The following LOC400499 variants were observed in gnomAD, a reference collection of about 807,000 sequenced individuals.
the LOC400499 span, among the ~76,000 whole-genome samples, chr16:11,469,851 C>T: frequency 6.6e-6 from 1 of 152,194 alleles, no homozygotes; most frequent in African/African-American, 2.4e-5. Context: ...CAGCAAACGG[C>T]CAGGGAGAAG....
At chr16:11,515,988 G>A in the LOC400499 span, 40 of 399,496 alleles carry the variant, frequency 1.0e-4, no homozygotes, top group Middle Eastern at 6.3e-4. Flanking sequence ...AGGGAGCACC[G>A]TGCCAGGTCC....
At chr16:11,390,676 T>C in the LOC400499 span, among the ~76,000 whole-genome samples, 7 of 152,192 alleles carry the variant, frequency 4.6e-5, no homozygotes, top group Non-Finnish European at 7.4e-5. Context: ...CTTATAAGGT[T>C]GTCTGGGAAC....
At chr16:11,452,925 G>A in the LOC400499 span, among the ~76,000 whole-genome samples, 6 of 152,346 alleles carry the variant, frequency 3.9e-5, no homozygotes, top group East Asian at 9.6e-4. Flanking sequence ...TAACTGGTCC[G>A]ATGAGTTTTC....
At chr16:11,449,847 C>A in the LOC400499 span, among the ~76,000 whole-genome samples, 4 of 152,230 alleles carry the variant, frequency 2.6e-5, no homozygotes, top group Admixed American at 6.5e-5. Flanking sequence ...AGTCCATCAG[C>A]AAATCTGGCA....
At chr16:11,411,305 G>A in the LOC400499 span, 66 of 399,442 alleles carry the variant, frequency 1.7e-4, no homozygotes, top group African/African-American at 1.1e-3. Flanking sequence ...AGGCGATGCC[G>A]GCCTGAGAAC....
the LOC400499 span, among the ~76,000 whole-genome samples, chr16:11,386,293 T>C: frequency 2.0e-5 from 3 of 152,260 alleles, no homozygotes; most frequent in Admixed American, 6.5e-5. Flanking sequence ...GCACCATCTA[T>C]GGTGCACAGC....
the LOC400499 span, among the ~76,000 whole-genome samples, chr16:11,477,402 G>A: frequency 3.3e-5 from 5 of 152,188 alleles, no homozygotes; most frequent in African/African-American, 9.7e-5. Context: ...CTGCTCTGGC[G>A]CCATGTGGCC....
At chr16:11,514,032 C>G in the LOC400499 span, among the ~76,000 whole-genome samples, 1 of 152,126 alleles carries the variant, frequency 6.6e-6, no homozygotes, top group Non-Finnish European at 1.5e-5. Flanking sequence ...TCTGGAAAAT[C>G]AGGAAACCTG....
chr16:11,423,960 G>C, the LOC400499 span: 2 of 397,850 alleles, frequency 5.0e-6, no homozygotes, highest in Admixed American at 4.4e-5. Context: ...TTCCTCTCCA[G>C]GGCTGCGCGG....
At chr16:11,505,332 T>C in the LOC400499 span, among the ~76,000 whole-genome samples, 26 of 151,782 alleles carry the variant, frequency 1.7e-4, no homozygotes, top group Non-Finnish European at 3.4e-4. Flanking sequence ...TAACCTCTAA[T>C]GGAAAGACAA....
chr16:11,382,161 C>G, the LOC400499 span, among the ~76,000 whole-genome samples: 18 of 152,182 alleles, frequency 1.2e-4, no homozygotes, highest in Non-Finnish European at 1.2e-4. Context: ...TGGTCTCAAA[C>G]TCCTGACCTC....
At chr16:11,502,272 T>A in the LOC400499 span, 1 of 397,410 alleles carries the variant, frequency 2.5e-6, no homozygotes, top group Non-Finnish European at 4.4e-6. Context: ...AGCACAACCG[T>A]GGGGAAAGTG....
the LOC400499 span, among the ~76,000 whole-genome samples, chr16:11,390,859 G>A: frequency 5.3e-5 from 8 of 152,194 alleles, no homozygotes; most frequent in Non-Finnish European, 1.0e-4. Context: ...TAAAAACCCT[G>A]GGTGCTGAGT....
the LOC400499 span, chr16:11,401,440 G>C: frequency 2.5e-6 from 1 of 399,444 alleles, no homozygotes; most frequent in Non-Finnish European, 4.4e-6. Context: ...CAGTGGCCTT[G>C]CCCAGACAGA....
chr16:11,443,082 G>C, the LOC400499 span, among the ~76,000 whole-genome samples: 2 of 152,034 alleles, frequency 1.3e-5, no homozygotes, highest in Admixed American at 6.6e-5. Flanking sequence ...CCAGCACTTT[G>C]GGAGGCTGAG....
At chr16:11,451,550 CAAAA>C in the LOC400499 span, among the ~76,000 whole-genome samples, 2 of 85,612 alleles carry the variant, frequency 2.3e-5, no homozygotes, top group Non-Finnish European at 6.2e-5. Context: ...GACCCTGTCT[CAAAA>C]CAAACAAACA....
At chr16:11,456,529 G>C in the LOC400499 span, among the ~76,000 whole-genome samples, 1 of 152,188 alleles carries the variant, frequency 6.6e-6, no homozygotes, top group Non-Finnish European at 1.5e-5. Context: ...CACTTGACTG[G>C]CAAAGGTAAG....
At chr16:11,411,767 C>T in the LOC400499 span, among the ~76,000 whole-genome samples, 1 of 152,124 alleles carries the variant, frequency 6.6e-6, no homozygotes, top group African/African-American at 2.4e-5. Context: ...AACCCCCTGA[C>T]TCCCTCCCAG....
At chr16:11,514,622 C>T in the LOC400499 span, 4 of 399,122 alleles carry the variant, frequency 1.0e-5, no homozygotes, top group South Asian at 1.3e-4. Flanking sequence ...GGAGGAGGGA[C>T]GAGGGACACA....
Sources: allele counts gnomAD v4.1 joint callset (sites outside exome capture counted in the v4.1 genomes callset), GRCh38; gene constraint gnomAD v4.1.1; transcripts MANE v1.5.